Variants in RABGAP1 observed in about 807,000 individuals in gnomAD.
RABGAP1 encodes RAB GTPase activating protein 1.
A neutral mutation model predicts 137.6 loss-of-function variants in RABGAP1; 23 were observed. The ratio of observed to expected loss-of-function variants is 0.17; its 90% confidence interval spans 0.12 to 0.24. The LOEUF is 0.24. Ranked by LOEUF, RABGAP1 falls within the 10% of genes least tolerant of loss-of-function variation. The pLI is 1.00. For synonymous variants in RABGAP1, 451 were observed against 450.7 expected (o/e 1.00, Z -0.01); for missense variants, 906 against 1,275.8 (o/e 0.71, Z 4.42).
chr9:123,001,168 C>T (rs1837307725), intron 10 of RABGAP1, among the ~76,000 whole-genome samples: 1 of 152,002 alleles, frequency 6.6e-6, no homozygotes, highest in South Asian at 2.1e-4. Context: ...ATTTTTTTAA[C>T]CAGACTTTTA....
At chr9:123,071,989 T>C (rs1202131941) in intron 15 of RABGAP1, among the ~76,000 whole-genome samples, 2 of 152,282 alleles carry the variant, frequency 1.3e-5, no homozygotes, top group East Asian at 3.9e-4. Context: ...ATCTTGCTTT[T>C]CTAAGCAACA....
intron 19 of RABGAP1, among the ~76,000 whole-genome samples, chr9:123,081,184 C>T (rs1006764504): frequency 2.6e-5 from 4 of 152,120 alleles, no homozygotes; most frequent in Admixed American, 2.6e-4. Context: ...GTACATAATA[C>T]CTATAATGTA....
intron 13 of RABGAP1, among the ~76,000 whole-genome samples, chr9:123,052,801 A>G (rs1397334001): frequency 6.6e-6 from 1 of 152,144 alleles, no homozygotes; most frequent in South Asian, 2.1e-4. Flanking sequence ...TTAGCTGGGC[A>G]TGATGGTGCA....
At chr9:122,938,704 T>A (rs1202846232), upstream of RABGAP1, 1 of 152,206 alleles carries the variant, frequency 6.6e-6, no homozygotes, top group Non-Finnish European at 1.5e-5. Context: ...ATATCTAACA[T>A]GTTAGATTCA....
At chr9:122,990,496 G>A (rs1161127321) in intron 6 of RABGAP1, 7 of 203,508 alleles carry the variant, frequency 3.4e-5, no homozygotes, top group South Asian at 7.1e-5. Context: ...ACCGCCAGGC[G>A]CTGTGGCTCA....
At chr9:122,961,815 A>T (rs1425984449) in intron 2 of RABGAP1, among the ~76,000 whole-genome samples, 1 of 152,140 alleles carries the variant, frequency 6.6e-6, no homozygotes, top group East Asian at 1.9e-4. Flanking sequence ...GGCCTATGAG[A>T]TGTGGAAATG....
At chr9:122,961,550 A>G (rs77682888) in intron 2 of RABGAP1, among the ~76,000 whole-genome samples, 2,405 of 152,346 alleles carry the variant, frequency 0.016, 34 homozygotes, top group South Asian at 0.066. Context: ...GCTGAAAGCA[A>G]GTTACTCCAC....
chr9:123,033,071 A>G (rs897279864), intron 13 of RABGAP1, among the ~76,000 whole-genome samples: 2 of 152,188 alleles, frequency 1.3e-5, no homozygotes, highest in Non-Finnish European at 2.9e-5. Flanking sequence ...AATGGGAGAT[A>G]CTTTATTTTT....
At chr9:122,983,783 C>A (rs929686035) in intron 2 of RABGAP1, among the ~76,000 whole-genome samples, 2 of 152,240 alleles carry the variant, frequency 1.3e-5, no homozygotes, top group East Asian at 1.9e-4. Context: ...TTGTGGTTTT[C>A]CTTGGCATTG....
intron 13 of RABGAP1, among the ~76,000 whole-genome samples, chr9:123,024,632 G>A (rs1319323880): frequency 6.6e-6 from 1 of 152,002 alleles, no homozygotes; most frequent in East Asian, 1.9e-4. Flanking sequence ...TAGATACTAA[G>A]TTTCACCATG....
intron 10 of RABGAP1, among the ~76,000 whole-genome samples, chr9:123,008,639 A>C: frequency 6.6e-6 from 1 of 152,288 alleles, no homozygotes; most frequent in South Asian, 2.1e-4. Flanking sequence ...ACAAAACAAA[A>C]ATTTTAAATT....
intron 2 of RABGAP1, among the ~76,000 whole-genome samples, chr9:122,972,794 C>A (rs1281967435): frequency 6.6e-6 from 1 of 151,884 alleles, no homozygotes; most frequent in Non-Finnish European, 1.5e-5. Context: ...TAATGCTTTA[C>A]GTAAGCCCTT....
At chr9:122,959,249 C>G (rs1030211566) in intron 2 of RABGAP1, among the ~76,000 whole-genome samples, 4 of 148,006 alleles carry the variant, frequency 2.7e-5, no homozygotes, top group Non-Finnish European at 5.9e-5. Context: ...CTTGCTAGGA[C>G]AGGGGTTAGA....
chr9:122,985,340 C>T (rs376501657), intron 3 of RABGAP1, among the ~76,000 whole-genome samples: 15 of 152,242 alleles, frequency 9.9e-5, no homozygotes, highest in East Asian at 1.9e-4. Flanking sequence ...TTAGGCCGGG[C>T]GCAGTGGCTC....
At chr9:123,097,965 G>T (rs1415371765) in intron 22 of RABGAP1, 120 bp downstream of exon 22, 3 of 802,810 alleles carry the variant, frequency 3.7e-6, no homozygotes, top group East Asian at 5.6e-5. Context: ...TCTTTCCAAA[G>T]ACTTTTTTTT....
At chr9:123,076,140 C>A in intron 17 of RABGAP1, 105 bp from the exon 18 acceptor site, 1 of 1,212,466 alleles carries the variant, frequency 8.2e-7, no homozygotes, top group Non-Finnish European at 1.2e-6. Flanking sequence ...GCATTTCCTT[C>A]CTTAAGTTTT....
At chr9:123,079,203 G>A (rs988447069) in intron 19 of RABGAP1, among the ~76,000 whole-genome samples, 3 of 100,418 alleles carry the variant, frequency 3.0e-5, no homozygotes. Flanking sequence ...TGCTTTTGTT[G>A]TTGTTGTTTG....
rs1055407993 is a variant in RABGAP1, at chr9:123,016,067, A to G, written c.1643+431A>G. 1.7e-4 allele frequency among the ~76,000 whole-genome samples: 26 copies of G among 152,172 alleles called. 1 individual carries two copies. Among genetic ancestry groups the G allele is most frequent in the African/African-American group, 6.0e-4 (25 of 41,446 alleles). ...AATGACAGAGCAAAGTGTCATAAGC[A>G]TGGTATATATTACCTGCTCTATCGA... is the stretch of plus-strand genomic sequence containing the variant. On this transcript the variant is annotated intron_variant, in intron 12 of 25. Transcript: ENST00000373647.
rs1256568655 is a variant in RABGAP1 at position 122,986,309 on chromosome 9, T to C, written c.480T>C (p.Ala160=). ...LTYLGCASVN[A]PRSEVEALRM... Reference sequence around the variant, plus strand: ...ACTTAGGCTGTGCCTCGGTAAATGCTCCCAGGAGTGAAGTGGAAGCCTTAA... The same window carrying C: ...ACTTAGGCTGTGCCTCGGTAAATGCCCCCAGGAGTGAAGTGGAAGCCTTAA... Residue 160 remains alanine, a synonymous_variant, in exon 4 of 26, where the codon GCT becomes GCC. Coordinates refer to ENST00000373647, the MANE Select transcript of RABGAP1 (RefSeq NM_012197.4). The C allele has an allele frequency of 6.2e-7, 1 of 1,614,144 alleles. No individual in the cohort carries two copies. Among genetic ancestry groups the C allele is most frequent in the Non-Finnish European group, 8.5e-7 (1 of 1,180,004 alleles).
Sources: gnomAD v4.1 joint callset for allele counts (sites outside exome capture counted in the v4.1 genomes callset) on GRCh38, gnomAD v4.1.1 for gene constraint, MANE v1.5 for transcripts, NCBI Gene and HGNC (gene_info 2026-07-23, HGNC 2026-07-21) for gene names.